Variants in SRF observed in about 807,000 individuals in gnomAD.
SRF encodes c-fos serum response element-binding transcription factor.
Under a neutral mutation model 37.1 loss-of-function variants are expected in SRF, and 7 were observed. That is an observed-to-expected ratio of 0.19 (90% CI 0.11 to 0.35). SRF has a LOEUF of 0.35. Ranked by LOEUF, SRF falls within the 10% of genes least tolerant of loss-of-function variation. The pLI, the probability that SRF is intolerant of heterozygous loss-of-function variation, is 1.00. For missense variants in SRF, 395 were observed against 694.4 expected (o/e 0.57, Z 4.85); for synonymous variants, 285 against 310.1 (o/e 0.92, Z 0.85).
At chr6:43,177,245 T>TTTTTTTTTTTTTTTA (rs1445271110) in intron 4 of SRF, among the ~76,000 whole-genome samples, 1 of 149,250 alleles carries the variant, frequency 6.7e-6, no homozygotes, top group African/African-American at 2.5e-5. Flanking sequence ...TTTTTTTTTT[T>TTTTTTTTTTTTTTTA]GAGACGGAGT....
At chr6:43,175,598 TTTGAACCCAAG>T in intron 2 of SRF, 97 bp from the exon 3 acceptor site, 2 of 1,472,968 alleles carry the variant, frequency 1.4e-6, no homozygotes, top group Admixed American at 1.8e-5. Flanking sequence ...GGCGTTGGGA[TTTGAACCCAAG>T]CTCACTGGTT....
Position 43,178,360 on chromosome 6 carries a change from C to G in SRF, c.1229C>G (p.Pro410Arg), listed in dbSNP as rs757850825. The change falls in exon 5 of 7, where the codon CCT becomes CGT. Residue 410 changes from proline (P) to arginine (R), a missense_variant. By Grantham distance (103) the Pro-to-Arg change is moderately radical. Transcript: ENST00000265354. The surrounding 1 kb of genome is among the most constrained non-coding windows in gnomAD (Gnocchi z 4.3). ...ACTGTGGGTGGCCACATGATGTACC[C>G]TAGCCCGCATGCGGTGATGTATGCC... The part of the protein sequence containing the change: ...PTTVGGHMMY[P>R]SPHAVMYAPT... 6.2e-7 allele frequency: 1 copy of G among 1,614,054 alleles called. No homozygotes were observed. Among genetic ancestry groups the G allele is most frequent in the Non-Finnish European group, 8.5e-7 (1 of 1,180,026 alleles).
intron 4 of SRF, among the ~76,000 whole-genome samples, chr6:43,177,490 A>G (rs1412150334): frequency 2.0e-5 from 3 of 150,686 alleles, no homozygotes; most frequent in Non-Finnish European, 4.4e-5. Context: ...TCGGCCTCTC[A>G]AAGTGCTGGG....
At chr6:43,177,226 CTG>C (rs1772214264) in intron 4 of SRF, among the ~76,000 whole-genome samples, 1 of 109,360 alleles carries the variant, frequency 9.1e-6, no homozygotes, top group South Asian at 2.6e-4. Context: ...GAATCGGAGT[CTG>C]TTTTTTTTTT....
rs1772112328 is a variant in SRF at position 43,171,980 on chromosome 6, T to C, written c.324T>C (p.Gly108=). 1.3e-6 allele frequency: 2 copies of C among 1,550,974 alleles called. No individual in the cohort carries two copies. The highest frequency in any genetic ancestry group is 1.7e-6 in the Non-Finnish European group (2 of 1,149,992). The stretch of plus-strand genomic sequence containing the variant: ...GGAGCCTGAGCGAGATGGAGATCGG[T>C]ATGGTGGTCGGTGGGCCCGAGGCGT... ...LKRSLSEMEI[G]MVVGGPEASA... Residue 108 remains glycine, a synonymous_variant, in exon 1 of 7, where the codon GGT becomes GGC. Transcript: ENST00000265354. This position sits in a 1 kb window ranked among gnomAD's most constrained non-coding sequence, Gnocchi z 6.5.
chr6:43,172,540 C>T lies in SRF; in HGVS notation c.513+371C>T. 4 of 865,892 alleles carry T rather than the reference C, an allele frequency of 4.6e-6. No homozygotes were observed. Among genetic ancestry groups the T allele is most frequent in the Non-Finnish European group, 5.5e-6 (4 of 721,028 alleles). 53.6% of individuals were successfully genotyped at this position (865,892 alleles called of 1,614,324 possible). A position where few individuals can be genotyped will look rare whatever the true frequency, so the allele number is the denominator to read the frequency against. ...AGTAGGTCCAGTGCACTCCGGTGTTCGGACGAGGGCGCCGGAAAAGCAGGG... is the reference window on the plus strand; with the variant it reads ...AGTAGGTCCAGTGCACTCCGGTGTTTGGACGAGGGCGCCGGAAAAGCAGGG... On this transcript the variant is annotated intron_variant, in intron 1 of 6. Coordinates refer to ENST00000265354, the MANE Select transcript of SRF (RefSeq NM_003131.4). This position sits in a 1 kb window ranked among gnomAD's most constrained non-coding sequence, Gnocchi z 5.7.
rs1772100852 is a variant in SRF, at chr6:43,171,643, C to T, written c.-14C>T. On this transcript the variant is annotated 5_prime_UTR_variant, in exon 1 of 7. Transcript: ENST00000265354. The surrounding 1 kb of genome is among the most constrained non-coding windows in gnomAD (Gnocchi z 6.5). ...CCTCGCTGACTGCCCGTCCGCCCTC[C>T]TGCATCGAGCGCCATGTTACCGACC... 2 of 1,206,880 alleles carry T rather than the reference C, an allele frequency of 1.7e-6. No homozygotes were observed. The highest frequency in any genetic ancestry group is 2.1e-6 in the Non-Finnish European group (2 of 970,262). The allele number at this position is 1,206,880 out of a possible 1,614,324, so 74.8% of individuals were successfully genotyped here.
At chr6:43,174,821 C>A (rs775526765) in intron 2 of SRF, among the ~76,000 whole-genome samples, 6 of 152,176 alleles carry the variant, frequency 3.9e-5, no homozygotes, top group Non-Finnish European at 7.3e-5. Context: ...TGCTGACCCA[C>A]CCCGCAGCCT....
In SRF at chr6:43,179,471, T is replaced by C; in HGVS notation, c.*281T>C. ...GGACCCCCTCGCCAGCTTGGCTCGA[T>C]GTTTGCCATGAGTATTAGCTTACCC... On this transcript the variant is annotated 3_prime_UTR_variant, in exon 7 of 7. Transcript: ENST00000265354. The surrounding 1 kb of genome is among the most constrained non-coding windows in gnomAD (Gnocchi z 5.3). 1 of 485,884 alleles carries C rather than the reference T, an allele frequency of 2.1e-6. No individual in the cohort carries two copies. Among genetic ancestry groups the C allele is most frequent in the Non-Finnish European group, 3.8e-6 (1 of 263,344 alleles). 30.1% of individuals were successfully genotyped at this position (485,884 alleles called of 1,614,324 possible). A position where few individuals can be genotyped will look rare whatever the true frequency, so the allele number is the denominator to read the frequency against.
rs1300007825 is a variant in SRF, at chr6:43,176,401, C to T, written c.1043-147C>T. 7.9e-6 allele frequency: 10 copies of T among 1,273,868 alleles called. No individual in the cohort carries two copies. The highest frequency in any genetic ancestry group is 1.1e-5 in the Non-Finnish European group (10 of 907,884). 78.9% of individuals were successfully genotyped at this position (1,273,868 alleles called of 1,614,324 possible). A position where few individuals can be genotyped will look rare whatever the true frequency, so the allele number is the denominator to read the frequency against. The stretch of plus-strand genomic sequence containing the variant: ...GAAGCCCCCAGAGTGGATACTTGGG[C>T]CTGAAGGGCCTCTTTGGCTTCCAGG... On this transcript the variant is annotated intron_variant, in intron 3 of 6. Coordinates refer to ENST00000265354, the MANE Select transcript of SRF (RefSeq NM_003131.4). The surrounding 1 kb of genome is among the most constrained non-coding windows in gnomAD (Gnocchi z 4.0).
chr6:43,178,774 A>G lies in SRF; in HGVS notation c.1355-32A>G, dbSNP rs373630083. 3.1e-6 allele frequency: 5 copies of G among 1,610,784 alleles called. No homozygotes were observed. The highest frequency in any genetic ancestry group is 4.2e-6 in the Non-Finnish European group (5 of 1,176,990). The stretch of plus-strand genomic sequence containing the variant: ...CAATATCTGGAAGTTTCAACAAACA[A>G]TTTGAGTATCTCCTGTGGTTTTCCA... On this transcript the variant is annotated intron_variant, in intron 5 of 6. Transcript: ENST00000265354. The surrounding 1 kb of genome is among the most constrained non-coding windows in gnomAD (Gnocchi z 4.3).
In SRF at chr6:43,172,768, C is replaced by A. The variant is rs1772132910; in HGVS notation, c.513+599C>A. 6.6e-6 allele frequency among the ~76,000 whole-genome samples: 1 copy of A among 152,134 alleles called. No homozygotes were observed. The highest frequency in any genetic ancestry group is 1.5e-5 in the Non-Finnish European group (1 of 68,020). On this transcript the variant is annotated intron_variant, in intron 1 of 6. Coordinates refer to ENST00000265354, the MANE Select transcript of SRF (RefSeq NM_003131.4). This position sits in a 1 kb window ranked among gnomAD's most constrained non-coding sequence, Gnocchi z 5.7. ...AGTCCTGCGCCGGCCGTGAGTCTTC[C>A]ATGGCATCCACTGGGAACCACATGC... is the stretch of plus-strand genomic sequence containing the variant.
Position 43,180,147 on chromosome 6 carries a change from G to A in SRF, c.*957G>A, listed in dbSNP as rs1034737199. ...GGTTGTTTCCAGGAGAAAGCCGGGG[G>A]AGGGGCCCTCAGGCCATTCCCCAAC... On this transcript the variant is annotated 3_prime_UTR_variant, in exon 7 of 7. Coordinates refer to ENST00000265354, the MANE Select transcript of SRF (RefSeq NM_003131.4). 2.0e-5 allele frequency: 3 copies of A among 152,292 alleles called. No homozygotes were observed. The highest frequency in any genetic ancestry group is 7.2e-5 in the African/African-American group (3 of 41,448). 9.4% of individuals were successfully genotyped at this position (152,292 alleles called of 1,614,324 possible).
rs1343518137 is a variant in SRF at position 43,178,572 on chromosome 6, G to C, written c.1354+87G>C. ...ACACACATACACACACATATGCACT[G>C]ATGCCTACAAATATTTCTACCCAAA... On this transcript the variant is annotated intron_variant, in intron 5 of 6. Coordinates refer to ENST00000265354, the MANE Select transcript of SRF (RefSeq NM_003131.4). The surrounding 1 kb of genome is among the most constrained non-coding windows in gnomAD (Gnocchi z 4.3). 1.6e-5 allele frequency: 24 copies of C among 1,460,088 alleles called. No individual in the cohort carries two copies. The Admixed American group carries it at 4.1e-4, about 25-fold the overall frequency. The allele number at this position is 1,460,088 out of a possible 1,614,324, so 90.4% of individuals were successfully genotyped here. A position where few individuals can be genotyped will look rare whatever the true frequency, so the allele number is the denominator to read the frequency against.
Position 43,178,514 on chromosome 6 carries a change from G to C in SRF, c.1354+29G>C. The C allele has an allele frequency of 6.2e-7, 1 of 1,600,798 alleles. No individual in the cohort carries two copies. Among genetic ancestry groups the C allele is most frequent in the Non-Finnish European group, 8.5e-7 (1 of 1,170,616 alleles). ...AGTAGAGGAGCAGGGCTAAGGAAAGGAGGACCGTTTCCTTCTTTATACACA... is the reference window on the plus strand; with the variant it reads ...AGTAGAGGAGCAGGGCTAAGGAAAGCAGGACCGTTTCCTTCTTTATACACA... On this transcript the variant is annotated intron_variant, in intron 5 of 6. Coordinates refer to ENST00000265354, the MANE Select transcript of SRF (RefSeq NM_003131.4). This position sits in a 1 kb window ranked among gnomAD's most constrained non-coding sequence, Gnocchi z 4.3.
rs1282631437 is a variant in SRF at position 43,179,985 on chromosome 6, C to T, written c.*795C>T. ...TTTTTTTTATGGCGTTTTTCTCGTC[C>T]CCCTCCCTGCCCAAACTCCCCTTCC... On this transcript the variant is annotated 3_prime_UTR_variant, in exon 7 of 7. Coordinates refer to ENST00000265354, the MANE Select transcript of SRF (RefSeq NM_003131.4). This position sits in a 1 kb window ranked among gnomAD's most constrained non-coding sequence, Gnocchi z 5.3. 2 of 151,984 alleles carry T rather than the reference C, an allele frequency of 1.3e-5. No individual in the cohort carries two copies. The highest frequency in any genetic ancestry group is 2.9e-5 in the Non-Finnish European group (2 of 68,002). The allele number at this position is 151,984 out of a possible 1,614,324, so 9.4% of individuals were successfully genotyped here. A position where few individuals can be genotyped will look rare whatever the true frequency, so the allele number is the denominator to read the frequency against.
Position 43,174,129 on chromosome 6 carries a change from CTA to C in SRF, c.780+18_780+19del. On this transcript the variant is annotated intron_variant, in intron 2 of 6. Transcript: ENST00000265354. ...GGAGACCAAGGTGTGTTTGGGTTGC[CTA>C]TGTGAGAGGAGGGAAGGGAGTGGGG... 2 of 1,613,146 alleles carry C rather than the reference CTA, an allele frequency of 1.2e-6. No individual in the cohort carries two copies. Among genetic ancestry groups the C allele is most frequent in the Non-Finnish European group, 1.7e-6 (2 of 1,179,434 alleles).
intron 4 of SRF, among the ~76,000 whole-genome samples, chr6:43,177,910 A>G (rs1031435547): frequency 2.7e-5 from 4 of 147,480 alleles, no homozygotes; most frequent in East Asian, 2.0e-4. Context: ...GTGAGACTCC[A>G]TCTCAAAAAA....
In SRF at chr6:43,176,036, A is replaced by G; in HGVS notation, c.1042+69A>G. On this transcript the variant is annotated intron_variant, in intron 3 of 6. Coordinates refer to ENST00000265354, the MANE Select transcript of SRF (RefSeq NM_003131.4). This position sits in a 1 kb window ranked among gnomAD's most constrained non-coding sequence, Gnocchi z 4.0. ...AATCAAGCATGCTAAGAGTGTGTTTAGGGCTGGCACCAAGAGAACCTCTTT... is the reference window on the plus strand; with the variant it reads ...AATCAAGCATGCTAAGAGTGTGTTTGGGGCTGGCACCAAGAGAACCTCTTT... 1 of 1,566,372 alleles carries G rather than the reference A, an allele frequency of 6.4e-7. No individual in the cohort carries two copies. The highest frequency in any genetic ancestry group is 8.6e-7 in the Non-Finnish European group (1 of 1,157,256).
Sources: gnomAD v4.1 joint callset for allele counts (sites outside exome capture counted in the v4.1 genomes callset) on GRCh38, gnomAD v4.1.1 for gene constraint, Gnocchi (gnomAD v3.1) non-coding constraint, MANE v1.5 for transcripts, NCBI Gene and HGNC (gene_info 2026-07-23, HGNC 2026-07-21) for gene names.